MCTP1: variants seen among roughly 807,000 people sequenced by gnomAD.
MCTP1 encodes the protein multiple C2 and transmembrane domain containing 1.
Under a neutral mutation model 120.6 loss-of-function variants are expected in MCTP1, and 69 were observed. The ratio of observed to expected loss-of-function variants is 0.57; its 90% CI spans 0.47 to 0.70. MCTP1 has a LOEUF of 0.70. Ranked by LOEUF, MCTP1 falls within the 30% of genes least tolerant of loss-of-function variation. The probability of loss-of-function intolerance (pLI) is 0.00; values close to 1 mark genes in which losing one functional copy is unlikely to be tolerated. For synonymous variants in MCTP1, 529 were observed against 493.1 expected (o/e 1.07, Z -0.96); for missense variants, 1,203 against 1,248.8 (o/e 0.96, Z 0.55).
At chr5:95,140,169 A>G (rs1445515186) in intron 1 of MCTP1, among the ~76,000 whole-genome samples, 1 of 152,198 alleles carries the variant, frequency 6.6e-6, no homozygotes, top group Non-Finnish European at 1.5e-5. Context: ...CAGGAAAGTA[A>G]TCATTCACTC....
chr5:94,798,892 T>C (rs1780617760), intron 18 of MCTP1, 121 bp downstream of exon 18: 2 of 1,037,252 alleles, frequency 1.9e-6, no homozygotes, highest in Non-Finnish European at 2.8e-6. Flanking sequence ...AAAACTTTCC[T>C]CTAAACTTGA....
At chr5:94,714,309 G>GA (rs1030825737) in intron 20 of MCTP1, among the ~76,000 whole-genome samples, 1 of 151,876 alleles carries the variant, frequency 6.6e-6, no homozygotes, top group African/African-American at 2.4e-5. Flanking sequence ...ATACAAACTT[G>GA]AAAAAAATAT....
At chr5:95,197,063 G>A (rs565383988) in intron 1 of MCTP1, among the ~76,000 whole-genome samples, 2 of 152,210 alleles carry the variant, frequency 1.3e-5, no homozygotes, top group African/African-American at 4.8e-5. Context: ...TCTGATCATC[G>A]TATATTTCAA....
At chr5:94,950,060 A>G (rs1820098668) in intron 3 of MCTP1, among the ~76,000 whole-genome samples, 1 of 152,136 alleles carries the variant, frequency 6.6e-6, no homozygotes, top group Admixed American at 6.5e-5. Flanking sequence ...TTTCAAAAAA[A>G]GCCCTAGGCA....
rs61324420 is a variant in MCTP1, at chr5:94,826,772, C to CTTTTTTTTTTTTTTTTTTTT, written c.2437-27660_2437-27641dup. ...TCAGAGAGTAGGGTTGTGACCCCTGCTTTTTTTTTTTTTTTTTTTTTTTTT... is the reference window on the plus strand; with the variant it reads ...TCAGAGAGTAGGGTTGTGACCCCTGCTTTTTTTTTTTTTTTTTTTTTTTTTTTTTTTTTTTTTTTTTTTTT... On this transcript the variant is annotated intron_variant, in intron 17 of 22. Coordinates refer to ENST00000515393, the MANE Select transcript of MCTP1 (RefSeq NM_024717.7). The CTTTTTTTTTTTTTTTTTTTT allele has an allele frequency of 2.3e-4, 10 of 42,882 alleles. 1 individual carries two copies. Among genetic ancestry groups the CTTTTTTTTTTTTTTTTTTTT allele is most frequent in the African/African-American group, 1.1e-3 (7 of 6,120 alleles). 2.7% of individuals were successfully genotyped at this position (42,882 alleles called of 1,614,324 possible). A position where few individuals can be genotyped will look rare whatever the true frequency, so the allele number is the denominator to read the frequency against.
chr5:94,845,686 A>G (rs892279668), intron 17 of MCTP1, among the ~76,000 whole-genome samples: 1 of 152,030 alleles, frequency 6.6e-6, no homozygotes, highest in African/African-American at 2.4e-5. Context: ...CTGAGATTAC[A>G]GGTACAGGTA....
intron 1 of MCTP1, among the ~76,000 whole-genome samples, chr5:95,221,649 A>G (rs1248729489): frequency 6.6e-6 from 1 of 152,210 alleles, no homozygotes; most frequent in Non-Finnish European, 1.5e-5. Context: ...TTAATATCAA[A>G]ACATTTTAAT....
chr5:95,068,956 C>CTT, intron 1 of MCTP1: 6 of 193,238 alleles, frequency 3.1e-5, no homozygotes, highest in Non-Finnish European at 3.0e-5. Flanking sequence ...GAGCAGGTAT[C>CTT]TTTTTTTTTT....
At chr5:94,960,771 A>C (rs1406771382) in intron 2 of MCTP1, among the ~76,000 whole-genome samples, 1 of 152,210 alleles carries the variant, frequency 6.6e-6, no homozygotes, top group Non-Finnish European at 1.5e-5. Context: ...GTCAGGAAAC[A>C]ACAGATGCTG....
chr5:95,226,901 C>CTA (rs1409576511), intron 1 of MCTP1, among the ~76,000 whole-genome samples: 4 of 152,010 alleles, frequency 2.6e-5, no homozygotes, highest in Non-Finnish European at 5.9e-5. Flanking sequence ...AACAAAACAG[C>CTA]TATGCAATAT....
intron 1 of MCTP1, among the ~76,000 whole-genome samples, chr5:95,049,576 A>G (rs1003965602): frequency 1.3e-5 from 2 of 152,194 alleles, no homozygotes; most frequent in African/African-American, 4.8e-5. Flanking sequence ...AAAGGACCTG[A>G]CACCCAGGAA....
chr5:94,893,542 C>T (rs2153399745), intron 11 of MCTP1, among the ~76,000 whole-genome samples: 1 of 152,322 alleles, frequency 6.6e-6, no homozygotes, highest in South Asian at 2.1e-4. Flanking sequence ...TTTATGATAA[C>T]ACCATTGGTG....
chr5:94,956,947 C>T (rs1822788943), intron 2 of MCTP1, among the ~76,000 whole-genome samples: 2 of 152,186 alleles, frequency 1.3e-5, no homozygotes, highest in South Asian at 4.2e-4. Flanking sequence ...GAAGAGCCAT[C>T]CCAAGACACA....
intron 1 of MCTP1, among the ~76,000 whole-genome samples, chr5:95,059,968 A>C (rs1748498344): frequency 6.6e-6 from 1 of 152,198 alleles, no homozygotes; most frequent in African/African-American, 2.4e-5. Flanking sequence ...CAAGAAATTA[A>C]GGTAATGGAA....
At chr5:94,972,348 CT>C (rs34416368) in intron 2 of MCTP1, among the ~76,000 whole-genome samples, 8,707 of 152,176 alleles carry the variant, frequency 0.057, 315 homozygotes, top group African/African-American at 0.092. Flanking sequence ...AGGTTGAACC[CT>C]TAACAGCCAT....
chr5:95,067,419 T>C (rs1164898650), intron 1 of MCTP1, among the ~76,000 whole-genome samples: 2 of 152,074 alleles, frequency 1.3e-5, no homozygotes, highest in Non-Finnish European at 2.9e-5. Context: ...AATGATTATG[T>C]GTCAAAAATA....
At chr5:94,790,005 G>A (rs1461390350) in intron 18 of MCTP1, among the ~76,000 whole-genome samples, 1 of 152,152 alleles carries the variant, frequency 6.6e-6, no homozygotes, top group Non-Finnish European at 1.5e-5. Flanking sequence ...ACACACAAAT[G>A]GAAGATTCAA....
chr5:95,110,968 A>G (rs914973109), intron 1 of MCTP1, among the ~76,000 whole-genome samples: 4 of 152,220 alleles, frequency 2.6e-5, no homozygotes, highest in Non-Finnish European at 5.9e-5. Context: ...CTTTCCCAGT[A>G]GTAGGCTCCA....
intron 1 of MCTP1, among the ~76,000 whole-genome samples, chr5:95,253,295 A>G (rs1162764955): frequency 6.6e-6 from 1 of 152,154 alleles, no homozygotes; most frequent in East Asian, 1.9e-4. Context: ...TAACCGTACA[A>G]GAATTTTTAC....
Sources: gnomAD v4.1 joint callset for allele counts (sites outside exome capture counted in the v4.1 genomes callset) on GRCh38, gnomAD v4.1.1 for gene constraint, MANE v1.5 for transcripts, NCBI Gene and HGNC (gene_info 2026-07-23, HGNC 2026-07-21) for gene names.